The following INTS10 variants were observed in gnomAD, a reference collection of about 807,000 sequenced individuals.
The protein encoded by INTS10 is chromosome 8 open reading frame 35.
A neutral mutation model predicts 94.4 loss-of-function variants in INTS10; 44 were observed. That is an observed-to-expected ratio of 0.47 (90% CI 0.37 to 0.60). INTS10 has a LOEUF of 0.60. Ranked by LOEUF, INTS10 falls within the 20% of genes least tolerant of loss-of-function variation. The probability of loss-of-function intolerance (pLI) is 0.00; values close to 1 mark genes in which losing one functional copy is unlikely to be tolerated. For synonymous variants in INTS10, 341 were observed against 320.7 expected (o/e 1.06, Z -0.68); for missense variants, 797 against 868.7 (o/e 0.92, Z 1.04).
At chr8:19,826,617 A>T (rs909828928) in intron 9 of INTS10, 58 bp downstream of exon 9, 1 of 1,501,460 alleles carries the variant, frequency 6.7e-7, no homozygotes, top group African/African-American at 1.4e-5. Context: ...CTAGAGATGA[A>T]TCTTTGTAAA....
At position 19,825,229 on chromosome 8, in the gene INTS10, T is replaced by G. The variant is rs1166083844; in HGVS notation, c.1006+257T>G. 2.0e-5 allele frequency among the ~76,000 whole-genome samples: 3 copies of G among 152,172 alleles called. No homozygotes were observed. In the East Asian group the frequency reaches 5.8e-4, roughly 29 times the overall value. On this transcript the variant is annotated intron_variant, in intron 8 of 16. Transcript: ENST00000397977. Reference sequence around the variant, plus strand: ...AAAAAGAGATATCAAATGCCACTATTTTGAAAATAACAGCAGGCTGGGCGC... The same window carrying G: ...AAAAAGAGATATCAAATGCCACTATGTTGAAAATAACAGCAGGCTGGGCGC...
chr8:19,833,078 T>G (rs2067363239), intron 11 of INTS10, 91 bp from the exon 12 acceptor site: 2 of 1,123,520 alleles, frequency 1.8e-6, no homozygotes, highest in Non-Finnish European at 1.2e-6. Context: ...AGTTGCTTGC[T>G]CGTTGCTTCG....
chr8:19,851,416 A>C lies in INTS10; in HGVS notation c.1977-233A>C, dbSNP rs1288098335. The stretch of plus-strand genomic sequence containing the variant: ...CAGGTGGCATTTTACTGAACAATTA[A>C]ATGTTTGAAGTAACCTTTTATAGAG... On this transcript the variant is annotated intron_variant, in intron 16 of 16. Transcript: ENST00000397977. This position sits in a 1 kb window ranked among gnomAD's most constrained non-coding sequence, Gnocchi z 5.0. Among the ~76,000 whole-genome samples the C allele has an allele frequency of 2.0e-5, 3 of 152,196 alleles. No homozygotes were observed. The East Asian group carries it at 5.8e-4, about 29-fold the overall frequency.
intron 8 of INTS10, among the ~76,000 whole-genome samples, chr8:19,825,423 A>T (rs2066718172): frequency 6.6e-6 from 1 of 151,796 alleles, no homozygotes; most frequent in African/African-American, 2.4e-5. Flanking sequence ...CTACTTGGGA[A>T]CCTGAGGCAG....
At chr8:19,818,386 C>A (rs759376576) in intron 2 of INTS10, 44 bp downstream of exon 2, 1 of 1,580,730 alleles carries the variant, frequency 6.3e-7, no homozygotes, top group Non-Finnish European at 8.7e-7. Flanking sequence ...CTGAATCTCT[C>A]CATGAGGTTT....
At chr8:19,833,471 CAAT>C (rs1330218537) in intron 12 of INTS10, 150 bp downstream of exon 12, 1 of 525,290 alleles carries the variant, frequency 1.9e-6, no homozygotes, top group African/African-American at 2.0e-5. Context: ...GTGAACATCA[CAAT>C]GATTTTGTTT....
At chr8:19,825,063 T>TAAA in intron 8 of INTS10, 91 bp downstream of exon 8, 5 of 1,103,084 alleles carry the variant, frequency 4.5e-6, no homozygotes, top group Non-Finnish European at 6.8e-6. Context: ...TATTGCTGGA[T>TAAA]CCGAATAACT....
At position 19,820,502 on chromosome 8, in the gene INTS10, C is replaced by T. The variant is rs559623505; in HGVS notation, c.425C>T (p.Thr142Met). The T allele has an allele frequency of 1.1e-5, 18 of 1,612,322 alleles. No individual in the cohort carries two copies. The highest frequency in any genetic ancestry group is 1.4e-5 in the Non-Finnish European group (16 of 1,178,812). ...CTACTTTTGAGGCGCTTCCCTGAAA[C>T]GGTGGTGCAGCATGGGGTGAGATTT... ...LLLLLRRFPE[T>M]VVQHGVGLGE... The change falls in exon 4 of 17, where the codon ACG becomes ATG. Residue 142 changes from threonine (T) to methionine (M), a missense_variant. This residue lies in a region of INTS10 where 734 missense variants were observed against 787.8 expected (regional missense o/e 0.93). Coordinates refer to ENST00000397977, the MANE Select transcript of INTS10 (RefSeq NM_018142.4).
intron 4 of INTS10, chr8:19,821,517 T>G (rs1384367419): frequency 1.3e-5 from 2 of 152,232 alleles, no homozygotes; most frequent in African/African-American, 4.8e-5. Context: ...GGCATGATCT[T>G]GGCTCACTGC....
chr8:19,820,933 T>C (rs778790030), intron 4 of INTS10: 1 of 154,292 alleles, frequency 6.5e-6, no homozygotes, highest in Non-Finnish European at 1.4e-5. Context: ...TCGAGTGCTA[T>C]TGGCAGGCAT....
chr8:19,829,291 A>G (rs1422741428), intron 9 of INTS10, among the ~76,000 whole-genome samples: 1 of 152,190 alleles, frequency 6.6e-6, no homozygotes, highest in Admixed American at 6.5e-5. Context: ...AATCAGTAAA[A>G]TGACCTAGGT....
At chr8:19,847,261 G>A (rs988940803) in intron 16 of INTS10, among the ~76,000 whole-genome samples, 1 of 152,106 alleles carries the variant, frequency 6.6e-6, no homozygotes, top group Non-Finnish European at 1.5e-5. Flanking sequence ...AAAAATACAC[G>A]AGACCTTTCT....
chr8:19,833,114 A>ATTTT, intron 11 of INTS10, 55 bp from the exon 12 acceptor site: 107 of 1,443,374 alleles, frequency 7.4e-5, no homozygotes, highest in Non-Finnish European at 8.9e-5. Context: ...TATTTTTTAA[A>ATTTT]TTTCTTTTTT....
At position 19,826,569 on chromosome 8, in the gene INTS10, T is replaced by C; in HGVS notation, c.1140+10T>C. On this transcript the variant is annotated intron_variant, in intron 9 of 16. Coordinates refer to ENST00000397977, the MANE Select transcript of INTS10 (RefSeq NM_018142.4). ...AAGAGAAAAAACCATGGTAAGGCTT[T>C]CAAATATACTTATTAACAGATTGGA... The C allele has an allele frequency of 1.2e-6, 2 of 1,607,520 alleles. No homozygotes were observed. The highest frequency in any genetic ancestry group is 4.5e-5 in the East Asian group (2 of 44,686).
At chr8:19,845,913 G>C (rs1031284557) in intron 16 of INTS10, 116 bp downstream of exon 16, 1 of 649,230 alleles carries the variant, frequency 1.5e-6, no homozygotes, top group East Asian at 2.8e-5. Flanking sequence ...CTTTAAACCT[G>C]GTCTCTGTTA....
chr8:19,823,152 A>G, intron 5 of INTS10, 149 bp from the exon 6 acceptor site: 4 of 611,624 alleles, frequency 6.5e-6, no homozygotes, highest in East Asian at 2.8e-5. Flanking sequence ...CTCTCTGCAC[A>G]GCACATTTTG....
rs2065991326 is a variant in INTS10, at chr8:19,817,418, A to G, written c.-120A>G. On this transcript the variant is annotated 5_prime_UTR_variant, in exon 1 of 17. Transcript: ENST00000397977. ...TCTGCCAGCCTCCGTGCGCCTCCAG[A>G]CATGCGCAGTAGCCTCCCCCGCGGT... 2 of 1,392,802 alleles carry G rather than the reference A, an allele frequency of 1.4e-6. No homozygotes were observed. The highest frequency in any genetic ancestry group is 2.9e-5 in the African/African-American group (2 of 69,788). The allele number at this position is 1,392,802 out of a possible 1,614,324, so 86.3% of individuals were successfully genotyped here. A position where few individuals can be genotyped will look rare whatever the true frequency, so the allele number is the denominator to read the frequency against.
chr8:19,837,169 A>T lies in INTS10; in HGVS notation c.1639+9A>T. On this transcript the variant is annotated intron_variant, in intron 13 of 16. Coordinates refer to ENST00000397977, the MANE Select transcript of INTS10 (RefSeq NM_018142.4). ...GCCCAAATTTAGAAAAGGTACAGTG[A>T]CATGTTTTATGACTATTTTGTAAAA... is the stretch of plus-strand genomic sequence containing the variant. 1 of 1,538,356 alleles carries T rather than the reference A, an allele frequency of 6.5e-7. No individual in the cohort carries two copies. The highest frequency in any genetic ancestry group is 9.0e-7 in the Non-Finnish European group (1 of 1,110,980).
intron 8 of INTS10, 108 bp downstream of exon 8, chr8:19,825,080 C>A: frequency 3.2e-6 from 3 of 932,804 alleles, no homozygotes; most frequent in Admixed American, 2.4e-5. Flanking sequence ...AACTGTGGGG[C>A]AGTACCAGTC....
Sources: gnomAD v4.1 joint callset for allele counts (sites outside exome capture counted in the v4.1 genomes callset) on GRCh38, gnomAD v4.1.1 for gene constraint, gnomAD v4.1.1 regional missense constraint, Gnocchi (gnomAD v3.1) non-coding constraint, MANE v1.5 for transcripts, NCBI Gene and HGNC (gene_info 2026-07-23, HGNC 2026-07-21) for gene names.